The following COL24A1 variants were observed in gnomAD, a reference collection of about 807,000 sequenced individuals.
COL24A1 encodes the protein collagen alpha-1(XXIV) chain.
Under a neutral mutation model 253.9 loss-of-function variants are expected in COL24A1, and 224 were observed. The ratio of observed to expected loss-of-function variants is 0.88; its 90% confidence interval spans 0.79 to 0.99. COL24A1 has a LOEUF of 0.99. Ranked by LOEUF, COL24A1 falls within the 50% of genes least tolerant of loss-of-function variation. The probability of loss-of-function intolerance (pLI) is 0.00; values close to 1 mark genes in which losing one functional copy is unlikely to be tolerated. For synonymous variants in COL24A1, 685 were observed against 673.7 expected (o/e 1.02, Z -0.26); for missense variants, 2,131 against 2,068.5 (o/e 1.03, Z -0.59).
chr1:85,934,991 GT>G (rs1320661542), intron 24 of COL24A1, among the ~76,000 whole-genome samples: 11 of 151,606 alleles, frequency 7.3e-5, no homozygotes, highest in African/African-American at 2.7e-4. Flanking sequence ...AATATGCTGT[GT>G]TTCAAGATCC....
intron 57 of COL24A1, among the ~76,000 whole-genome samples, chr1:85,744,430 A>T (rs370418659): frequency 1.3e-5 from 2 of 152,124 alleles, no homozygotes; most frequent in African/African-American, 4.8e-5. Context: ...TTAATTTTTA[A>T]TATGAATATG....
At chr1:86,037,314 T>C (rs1408149686) in intron 12 of COL24A1, among the ~76,000 whole-genome samples, 4 of 152,168 alleles carry the variant, frequency 2.6e-5, no homozygotes, top group Admixed American at 6.6e-5. Context: ...AAATAGCATA[T>C]AGCAAAGGTG....
intron 47 of COL24A1, among the ~76,000 whole-genome samples, chr1:85,813,262 T>C (rs1296314013): frequency 6.6e-6 from 1 of 151,822 alleles, no homozygotes; most frequent in Non-Finnish European, 1.5e-5. Context: ...ATAGTGGCTA[T>C]TTTAGGGGGA....
At chr1:85,741,747 T>C (rs1664668172) in intron 57 of COL24A1, among the ~76,000 whole-genome samples, 1 of 152,222 alleles carries the variant, frequency 6.6e-6, no homozygotes, top group Non-Finnish European at 1.5e-5. Flanking sequence ...CTTAAAAAAT[T>C]AATTTAGCCA....
At chr1:85,802,283 G>A (rs72728335) in intron 47 of COL24A1, among the ~76,000 whole-genome samples, 6,397 of 152,162 alleles carry the variant, frequency 0.042, 196 homozygotes, top group Non-Finnish European at 0.064. Context: ...TAGCCTCCAT[G>A]ATGTGGTCAT....
In COL24A1 at chr1:86,092,282, A is replaced by T; in HGVS notation, c.1638T>A (p.Pro546=). Residue 546 remains proline, a synonymous_variant, in exon 6 of 60, where the codon CCT becomes CCA. Coordinates refer to ENST00000370571, the MANE Select transcript of COL24A1 (RefSeq NM_152890.7). ...AAATAATTACCTTTTCTCCAGGAAC[A>T]GGTTGACCTGGGGAAAATCCTGGAT... is the stretch of plus-strand genomic sequence containing the variant. ...KGDPGFSPGQ[P]VPGEKGDQGL... 1 of 1,603,760 alleles carries T rather than the reference A, an allele frequency of 6.2e-7. No individual in the cohort carries two copies. The highest frequency in any genetic ancestry group is 2.2e-5 in the East Asian group (1 of 44,716).
At chr1:85,993,803 T>A (rs1382643503) in intron 19 of COL24A1, among the ~76,000 whole-genome samples, 1 of 152,080 alleles carries the variant, frequency 6.6e-6, no homozygotes, top group Admixed American at 6.6e-5. Context: ...TAGGCAACAT[T>A]TTTTAAGGAT....
chr1:85,946,223 A>G (rs1689309342), intron 24 of COL24A1, among the ~76,000 whole-genome samples: 1 of 152,188 alleles, frequency 6.6e-6, no homozygotes, highest in Non-Finnish European at 1.5e-5. Context: ...TTAACATGTT[A>G]TAGCTCACTT....
chr1:85,850,505 T>A (rs1290710176), intron 37 of COL24A1, among the ~76,000 whole-genome samples: 3 of 152,194 alleles, frequency 2.0e-5, no homozygotes, highest in Admixed American at 6.5e-5. Flanking sequence ...TGTTGTGCTC[T>A]ATTGCTGTAG....
chr1:86,099,618 C>T (rs1362795813), intron 5 of COL24A1, among the ~76,000 whole-genome samples: 1 of 152,196 alleles, frequency 6.6e-6, no homozygotes, highest in Non-Finnish European at 1.5e-5. Flanking sequence ...TGGCTCTTCT[C>T]TTTCACACTA....
chr1:85,943,839 T>A (rs979000072), intron 24 of COL24A1, among the ~76,000 whole-genome samples: 1 of 152,242 alleles, frequency 6.6e-6, no homozygotes, highest in Non-Finnish European at 1.5e-5. Context: ...ACCAATTTGC[T>A]GCGCTATGTA....
chr1:85,823,789 A>T (rs1382016936), intron 43 of COL24A1, 51 bp from the exon 44 acceptor site: 3 of 1,516,970 alleles, frequency 2.0e-6, no homozygotes, highest in Non-Finnish European at 1.8e-6. Context: ...CATGTGACTT[A>T]AGAGAATAGG....
chr1:85,901,824 CAAAAAAAAAAA>C (rs55862441), intron 28 of COL24A1, among the ~76,000 whole-genome samples: 16 of 57,792 alleles, frequency 2.8e-4, no homozygotes, highest in Non-Finnish European at 4.4e-4. Flanking sequence ...GACTCCGTCT[CAAAAAAAAAAA>C]AAAAAAAAAA....
At chr1:85,983,813 G>A (rs1693469008) in intron 20 of COL24A1, among the ~76,000 whole-genome samples, 1 of 151,742 alleles carries the variant, frequency 6.6e-6, no homozygotes. Context: ...CAAGAAGATA[G>A]ACAAAACCAG....
chr1:86,150,266 T>C (rs1386074487), intron 1 of COL24A1, among the ~76,000 whole-genome samples: 1 of 152,204 alleles, frequency 6.6e-6, no homozygotes, highest in Admixed American at 6.5e-5. Flanking sequence ...GTGACTTTGT[T>C]ATACTCCTAT....
rs1379565036 is a variant in COL24A1, at chr1:86,125,364, A to G, written c.972T>C (p.Ala324=). The change falls in exon 3 of 60, where the codon GCT becomes GCC. Residue 324 remains alanine (A), a synonymous_variant. Transcript: ENST00000370571. ...LSSLQSGNVS[A]VDLTNHGIQA... ...GAATCCCATGGTTTGTGAGATCCAC[A>G]GCAGAGACATTTCCTGACTGAAGAG... 5 of 1,613,596 alleles carry G rather than the reference A, an allele frequency of 3.1e-6. No individual in the cohort carries two copies. Among genetic ancestry groups the G allele is most frequent in the Non-Finnish European group, 4.2e-6 (5 of 1,179,828 alleles).
intron 14 of COL24A1, 131 bp from the exon 15 acceptor site, chr1:86,023,138 A>G (rs1338461033): frequency 2.8e-6 from 2 of 707,372 alleles, no homozygotes; most frequent in African/African-American, 3.6e-5. Context: ...CTTGTTCTTC[A>G]ACAACTTATT....
intron 37 of COL24A1, among the ~76,000 whole-genome samples, chr1:85,858,476 A>G (rs756861262): frequency 4.9e-4 from 74 of 152,142 alleles, no homozygotes; most frequent in Middle Eastern, 3.4e-3. Context: ...TCTTTTCCTC[A>G]GATAATCACA....
chr1:85,987,542 A>G, intron 20 of COL24A1, 59 bp downstream of exon 20: 1 of 1,389,072 alleles, frequency 7.2e-7, no homozygotes, highest in Non-Finnish European at 1.0e-6. Flanking sequence ...CCATTTATTG[A>G]GAATCAGGAG....
Sources: allele counts gnomAD v4.1 joint callset (sites outside exome capture counted in the v4.1 genomes callset), GRCh38; gene constraint gnomAD v4.1.1; transcripts MANE v1.5; gene names NCBI Gene and HGNC (gene_info 2026-07-23, HGNC 2026-07-21).